ZNF432: variants seen among roughly 807,000 people sequenced by gnomAD.
ZNF432 encodes zinc finger protein 432.
Under a neutral mutation model 13.9 loss-of-function variants are expected in ZNF432, and 10 were observed. The ratio of observed to expected loss-of-function variants is 0.72; its 90% CI spans 0.44 to 1.22. The LOEUF is 1.22. Among genes scored for constraint, ZNF432 ranks in the 50% most tolerant of loss-of-function variants. The pLI, the probability that ZNF432 is intolerant of heterozygous loss-of-function variation, is 0.00. For missense variants in ZNF432, 793 were observed against 796.2 expected, an observed-to-expected ratio of 1.00 and a Z score of 0.05; for synonymous variants, 247 against 256.2, an observed-to-expected ratio of 0.96 and a Z score of 0.34.
At position 52,033,976 on chromosome 19, in the gene ZNF432, G is replaced by T. The variant is rs990172462; in HGVS notation, c.1703C>A (p.Ser568Tyr). The T allele has an allele frequency of 1.2e-6, 2 of 1,614,062 alleles. No homozygotes were observed. The highest frequency in any genetic ancestry group is 1.7e-6 in the Non-Finnish European group (2 of 1,180,016). The stretch of plus-strand genomic sequence containing the variant: ...TCTTCCACATTCACTACATATACAA[G>T]ATTTCTCTTCTGTATGAATTTGCTG... Reference protein sequence around the residue: ...VHQQIHTEEKSCICSECGRGF... With the variant: ...VHQQIHTEEKYCICSECGRGF... The change falls in exon 5 of 5, where the codon TCT becomes TAT. Residue 568 changes from serine (S) to tyrosine (Y), a missense_variant. Ser to Tyr is a moderately radical substitution (Grantham distance 144). Coordinates refer to ENST00000221315, the MANE Select transcript of ZNF432 (RefSeq NM_014650.4).
At position 52,035,096 on chromosome 19, in the gene ZNF432, G is replaced by A. The variant is rs761301038; in HGVS notation, c.583C>T (p.His195Tyr). ...TTTTCTATTTCATGAGTTCTCTGATGCTTACTGACTTGGGATTTAGTGCTA... is the reference window on the plus strand; with the variant it reads ...TTTTCTATTTCATGAGTTCTCTGATACTTACTGACTTGGGATTTAGTGCTA... The part of the protein sequence containing the change: ...ANSTKSQVSK[H>Y]QRTHEIEKNH... The change falls in exon 5 of 5, where the codon CAT becomes TAT. Residue 195 changes from histidine (H) to tyrosine (Y), a missense_variant. Transcript: ENST00000221315. 11 of 1,613,998 alleles carry A rather than the reference G, an allele frequency of 6.8e-6. No individual in the cohort carries two copies. The Admixed American group carries it at 1.3e-4, about 20-fold the overall frequency.
At chr19:52,043,976 G>A (rs1375760720) in intron 2 of ZNF432, among the ~76,000 whole-genome samples, 1 of 152,090 alleles carries the variant, frequency 6.6e-6, no homozygotes, top group Non-Finnish European at 1.5e-5. Context: ...TATGCTGAAC[G>A]CTGGTTCCCC....
At chr19:52,035,512 A>G (rs1467667805) in intron 4 of ZNF432, 72 bp from the exon 5 acceptor site, 1 of 1,242,630 alleles carries the variant, frequency 8.0e-7, no homozygotes, top group African/African-American at 1.5e-5. Flanking sequence ...AGAAAAAAAA[A>G]TCCTTGGTGT....
intron 3 of ZNF432, 34 bp from the exon 4 acceptor site, chr19:52,040,617 T>G (rs899687925): frequency 1.3e-6 from 2 of 1,557,942 alleles, no homozygotes; most frequent in Admixed American, 1.7e-5. Flanking sequence ...ACAGACACAC[T>G]GGATTGGGCT....
intron 2 of ZNF432, 53 bp from the exon 3 acceptor site, chr19:52,041,659 TGAAAA>T: frequency 6.2e-7 from 1 of 1,610,996 alleles, no homozygotes. Context: ...TTTACTGACA[TGAAAA>T]GAAAGTGAAG....
intron 4 of ZNF432, among the ~76,000 whole-genome samples, chr19:52,039,514 T>C (rs1402935517): frequency 3.9e-5 from 6 of 151,920 alleles, no homozygotes; most frequent in Admixed American, 3.9e-4. Context: ...TTATATAAAA[T>C]GTCCAGAACA....
In ZNF432 at chr19:52,046,952, A is replaced by G; in HGVS notation, c.-84T>C. ...ATCTGCCTTAAATTTCTATTTAGAA[A>G]CTTCAGTCACCAGTGAAGGGTGTCC... is the stretch of plus-strand genomic sequence containing the variant. On this transcript the variant is annotated 5_prime_UTR_variant, in exon 2 of 5. Transcript: ENST00000221315. 6.8e-7 allele frequency: 1 copy of G among 1,480,100 alleles called. No homozygotes were observed. Among genetic ancestry groups the G allele is most frequent in the African/African-American group, 1.4e-5 (1 of 71,414 alleles). The allele number at this position is 1,480,100 out of a possible 1,614,324, so 91.7% of individuals were successfully genotyped here.
chr19:52,048,055 G>A (rs929903358), intron 1 of ZNF432, among the ~76,000 whole-genome samples: 6 of 150,772 alleles, frequency 4.0e-5, no homozygotes, highest in African/African-American at 1.5e-4. Flanking sequence ...TCATTGTGGA[G>A]GAGGTACTCG....
chr19:52,043,844 T>A (rs1355717158), intron 2 of ZNF432, among the ~76,000 whole-genome samples: 2 of 152,188 alleles, frequency 1.3e-5, no homozygotes, highest in Non-Finnish European at 2.9e-5. Flanking sequence ...TTTGTTCACG[T>A]GTTTGTCTGC....
At chr19:52,043,245 G>A (rs1297809792) in intron 2 of ZNF432, among the ~76,000 whole-genome samples, 3 of 152,290 alleles carry the variant, frequency 2.0e-5, no homozygotes, top group East Asian at 1.9e-4. Flanking sequence ...TTGAGATTCT[G>A]TTAATCTATG....
Position 52,032,021 on chromosome 19 carries a change from A to G in ZNF432, c.*1699T>C, listed in dbSNP as rs1394668566. ...GTTTTTATTATTATGGTTATGTAAG[A>G]TAACATTGATGATGCTAAGCAAAGA... On this transcript the variant is annotated 3_prime_UTR_variant, in exon 5 of 5. Transcript: ENST00000221315. 2 of 152,192 alleles carry G rather than the reference A, an allele frequency of 1.3e-5. No homozygotes were observed. Among genetic ancestry groups the G allele is most frequent in the Admixed American group, 1.3e-4 (2 of 15,272 alleles). 9.4% of individuals were successfully genotyped at this position (152,192 alleles called of 1,614,324 possible).
In ZNF432 at chr19:52,033,591, GAAT is replaced by G; in HGVS notation, c.*126_*128del. The G allele has an allele frequency of 9.1e-7, 1 of 1,103,824 alleles. No homozygotes were observed. Among genetic ancestry groups the G allele is most frequent in the Non-Finnish European group, 1.3e-6 (1 of 786,218 alleles). 68.4% of individuals were successfully genotyped at this position (1,103,824 alleles called of 1,614,324 possible). On this transcript the variant is annotated 3_prime_UTR_variant, in exon 5 of 5. Transcript: ENST00000221315. ...TGACATTGATAGCATTCATCCTAGT[GAAT>G]AACACTGGATTTTGAAATATGATTT... is the stretch of plus-strand genomic sequence containing the variant.
At position 52,035,427 on chromosome 19, in the gene ZNF432, A is replaced by C; in HGVS notation, c.252T>G (p.Val84=). ...HSRICPENNE[V]DDHLQDHLEN... Reference sequence around the variant, plus strand: ...CCAAGTGATCCTGCAGATGATCATCAACTTCGTTGTTTTCTAGGAAAGAAG... The same window carrying C: ...CCAAGTGATCCTGCAGATGATCATCCACTTCGTTGTTTTCTAGGAAAGAAG... Residue 84 remains valine (V), a synonymous_variant, in exon 5 of 5, where the codon GTT becomes GTG. Coordinates refer to ENST00000221315, the MANE Select transcript of ZNF432 (RefSeq NM_014650.4). 1 of 1,542,176 alleles carries C rather than the reference A, an allele frequency of 6.5e-7. No individual in the cohort carries two copies.
intron 2 of ZNF432, among the ~76,000 whole-genome samples, chr19:52,046,257 T>C (rs778300347): frequency 7.9e-5 from 12 of 152,088 alleles, no homozygotes; most frequent in Non-Finnish European, 1.8e-4. Flanking sequence ...ATGGAAGCTA[T>C]GCACACCTTC....
At chr19:52,044,796 C>T (rs1022272257) in intron 2 of ZNF432, among the ~76,000 whole-genome samples, 2 of 152,220 alleles carry the variant, frequency 1.3e-5, no homozygotes, top group African/African-American at 4.8e-5. Context: ...AAATACTTTA[C>T]ATAGTTTAAC....
chr19:52,043,121 AG>A (rs1376465369), intron 2 of ZNF432, among the ~76,000 whole-genome samples: 2 of 152,168 alleles, frequency 1.3e-5, no homozygotes, highest in African/African-American at 4.8e-5. Context: ...GGAAAGAGCT[AG>A]GTGCAAATTT....
At chr19:52,035,511 A>T in intron 4 of ZNF432, 71 bp from the exon 5 acceptor site, 3 of 1,254,846 alleles carry the variant, frequency 2.4e-6, no homozygotes, top group Non-Finnish European at 3.2e-6. Flanking sequence ...TAGAAAAAAA[A>T]ATCCTTGGTG....
rs2087155868 is a variant in ZNF432 at position 52,043,669 on chromosome 19, A to T, written c.16-2063T>A. On this transcript the variant is annotated intron_variant, in intron 2 of 4. Transcript: ENST00000221315. ...GGGCAATGGAATGTCTCGGTATAAA[A>T]CCCGATTGTATGCTCCATCTACTGA... Among the ~76,000 whole-genome samples, 2 of 151,968 alleles carry T rather than the reference A, an allele frequency of 1.3e-5. 1 individual carries two copies. The highest frequency in any genetic ancestry group is 2.9e-5 in the Non-Finnish European group (2 of 68,012).
rs2087190183 is a variant in ZNF432, at chr19:52,046,927, A to G, written c.-59T>C. Reference sequence around the variant, plus strand: ...GATACTCTGTCTTTGTCTCCTCTGGATCTGCCTTAAATTTCTATTTAGAAA... The same window carrying G: ...GATACTCTGTCTTTGTCTCCTCTGGGTCTGCCTTAAATTTCTATTTAGAAA... On this transcript the variant is annotated 5_prime_UTR_variant, in exon 2 of 5. Transcript: ENST00000221315. 1 of 1,591,010 alleles carries G rather than the reference A, an allele frequency of 6.3e-7. No individual in the cohort carries two copies. Among genetic ancestry groups the G allele is most frequent in the Non-Finnish European group, 8.6e-7 (1 of 1,166,158 alleles).
Sources: allele counts gnomAD v4.1 joint callset (sites outside exome capture counted in the v4.1 genomes callset), GRCh38; gene constraint gnomAD v4.1.1; transcripts MANE v1.5; gene names NCBI Gene and HGNC (gene_info 2026-07-23, HGNC 2026-07-21).